The following TYW1 variants were observed in gnomAD, a reference collection of about 807,000 sequenced individuals.
TYW1 encodes S-adenosyl-L-methionine-dependent tRNA 4-demethylwyosine synthase TYW1.
In TYW1, 46 loss-of-function variants were observed where a neutral mutation model predicts 96.2. The observed-to-expected ratio is 0.48, with a 90% CI of 0.38 to 0.61. The LOEUF (loss-of-function observed/expected upper bound fraction) is 0.61. TYW1 is among the 20% of genes least tolerant of loss of function. TYW1 has a pLI of 0.00. For synonymous variants in TYW1, 274 were observed against 323.0 expected (o/e 0.85, Z 1.63); for missense variants, 684 against 909.6 (o/e 0.75, Z 3.19).
chr7:67,050,357 A>C (rs1425259423), intron 8 of TYW1, among the ~76,000 whole-genome samples: 1 of 152,178 alleles, frequency 6.6e-6, no homozygotes, highest in Non-Finnish European at 1.5e-5. Context: ...AGCTTATATG[A>C]TATGAGACTG....
intron 13 of TYW1, among the ~76,000 whole-genome samples, chr7:67,143,439 A>G (rs1798511946): frequency 6.6e-6 from 1 of 152,180 alleles, no homozygotes; most frequent in African/African-American, 2.4e-5. Flanking sequence ...TAAACTTAAA[A>G]TGTCACAGAC....
chr7:66,998,707 C>G, intron 2 of TYW1, 110 bp from the exon 3 acceptor site: 1 of 1,253,950 alleles, frequency 8.0e-7, no homozygotes, highest in Non-Finnish European at 1.1e-6. Context: ...TACAGTGTGT[C>G]AGATTAAGAG....
At chr7:67,113,228 C>T (rs112684633) in intron 12 of TYW1, among the ~76,000 whole-genome samples, 41,130 of 151,462 alleles carry the variant, frequency 0.27, 6,325 homozygotes, top group African/African-American at 0.42. Context: ...CATGGCGCTG[C>T]GTGGTGGGAC....
intron 15 of TYW1, among the ~76,000 whole-genome samples, chr7:67,212,123 C>G (rs1430187500): frequency 3.3e-5 from 5 of 152,176 alleles, no homozygotes; most frequent in African/African-American, 1.2e-4. Flanking sequence ...CTTTTCGTCC[C>G]TCCCGCCAAA....
intron 13 of TYW1, among the ~76,000 whole-genome samples, chr7:67,174,177 A>G (rs1376254154): frequency 5.3e-5 from 8 of 151,874 alleles, no homozygotes; most frequent in Non-Finnish European, 1.2e-4. Context: ...ATTTACCATT[A>G]TGCTGCTTAT....
At chr7:67,146,600 CA>C (rs771835198) in intron 13 of TYW1, among the ~76,000 whole-genome samples, 6 of 152,066 alleles carry the variant, frequency 3.9e-5, no homozygotes, top group Non-Finnish European at 7.4e-5. Flanking sequence ...GAAAGGGAAT[CA>C]AAACTACAAT....
chr7:67,115,638 A>T (rs2115965178), intron 12 of TYW1, among the ~76,000 whole-genome samples: 1 of 152,252 alleles, frequency 6.6e-6, no homozygotes, highest in South Asian at 2.1e-4. Context: ...TGCTGAAATC[A>T]ACAATATCTC....
intron 11 of TYW1, among the ~76,000 whole-genome samples, chr7:67,085,763 G>A (rs1796530771): frequency 6.6e-6 from 1 of 152,120 alleles, no homozygotes; most frequent in East Asian, 1.9e-4. Flanking sequence ...GACGTCAGGA[G>A]TTCGAGACCA....
At chr7:67,091,257 T>C (rs561154318) in intron 11 of TYW1, among the ~76,000 whole-genome samples, 33,707 of 146,736 alleles carry the variant, frequency 0.23, 4,324 homozygotes, top group African/African-American at 0.3. Flanking sequence ...AATTCATGTT[T>C]TTTTTAGGGA....
chr7:67,018,230 G>T lies in TYW1; in HGVS notation c.861+87G>T, dbSNP rs1239489806. 8 of 1,508,036 alleles carry T rather than the reference G, an allele frequency of 5.3e-6. No homozygotes were observed. The East Asian group carries it at 1.4e-4, about 26-fold the overall frequency. 93.4% of individuals were successfully genotyped at this position (1,508,036 alleles called of 1,614,324 possible). ...GACCTCTTTCTCAATAAACCATCTC[G>T]TTGGCTTCTGGTTAGAAGGAAGATC... On this transcript the variant is annotated intron_variant, in intron 6 of 15. Transcript: ENST00000359626.
chr7:67,153,683 G>A (rs1172824257), intron 13 of TYW1, among the ~76,000 whole-genome samples: 2 of 152,138 alleles, frequency 1.3e-5, no homozygotes, highest in Non-Finnish European at 2.9e-5. Flanking sequence ...TCACTCCCTA[G>A]AAGGAGTATC....
chr7:67,081,469 G>A (rs1228435891), intron 10 of TYW1, among the ~76,000 whole-genome samples: 1 of 141,924 alleles, frequency 7.0e-6, no homozygotes, highest in Non-Finnish European at 1.5e-5. Context: ...TAGCTTGCTT[G>A]ATCTGAATGT....
chr7:67,190,529 T>G lies in TYW1; in HGVS notation c.1810-4641T>G, dbSNP rs183961948. Among the ~76,000 whole-genome samples, 223 of 152,280 alleles carry G rather than the reference T, an allele frequency of 1.5e-3. 5 individuals carry two copies. The South Asian group carries it at 0.023, about 16-fold the overall frequency. Reference sequence around the variant, plus strand: ...GTCAGATAGCGTAGAGGTTCCTGAATGGAGGTTAAAGAAATGATGGGTCAC... The same window carrying G: ...GTCAGATAGCGTAGAGGTTCCTGAAGGGAGGTTAAAGAAATGATGGGTCAC... On this transcript the variant is annotated intron_variant, in intron 14 of 15. Transcript: ENST00000359626.
chr7:67,119,340 T>C (rs1312793027), intron 13 of TYW1, among the ~76,000 whole-genome samples: 1 of 152,098 alleles, frequency 6.6e-6, no homozygotes, highest in African/African-American at 2.4e-5. Context: ...TGCCTTTCTC[T>C]CCTGTGCCCA....
At chr7:67,001,332 A>G (rs1473071554) in intron 3 of TYW1, among the ~76,000 whole-genome samples, 9 of 152,182 alleles carry the variant, frequency 5.9e-5, no homozygotes, top group South Asian at 4.1e-4. Context: ...TGTCCATATC[A>G]TAGTTGATTT....
At position 67,001,583 on chromosome 7, in the gene TYW1, A is replaced by G. The variant is rs1355365390; in HGVS notation, c.273+2629A>G. Among the ~76,000 whole-genome samples the G allele has an allele frequency of 2.0e-5, 3 of 151,454 alleles. No homozygotes were observed. The East Asian group carries it at 5.9e-4, about 30-fold the overall frequency. ...ACTATAGGCGCCCACCACTATGCCC[A>G]GCTAGTTTTTGTATTTTTAGTAGAG... On this transcript the variant is annotated intron_variant, in intron 3 of 15. Coordinates refer to ENST00000359626, the MANE Select transcript of TYW1 (RefSeq NM_018264.4).
At chr7:67,076,304 T>G (rs755093825) in intron 10 of TYW1, among the ~76,000 whole-genome samples, 4 of 152,160 alleles carry the variant, frequency 2.6e-5, no homozygotes, top group Admixed American at 2.6e-4. Flanking sequence ...TGCTGGCGAG[T>G]GTACCCTTTC....
chr7:67,140,532 C>G (rs2116109869), intron 13 of TYW1, among the ~76,000 whole-genome samples: 1 of 151,866 alleles, frequency 6.6e-6, no homozygotes, highest in African/African-American at 2.4e-5. Flanking sequence ...GACCTATAAG[C>G]CAATAGAAAA....
At chr7:67,115,734 T>C (rs1797573366) in intron 12 of TYW1, among the ~76,000 whole-genome samples, 1 of 152,208 alleles carries the variant, frequency 6.6e-6, no homozygotes, top group Non-Finnish European at 1.5e-5. Flanking sequence ...CACTCAAAGA[T>C]TGATAAGGCT....
Sources: gnomAD v4.1 joint callset for allele counts (sites outside exome capture counted in the v4.1 genomes callset) on GRCh38, gnomAD v4.1.1 for gene constraint, MANE v1.5 for transcripts, NCBI Gene and HGNC (gene_info 2026-07-23, HGNC 2026-07-21) for gene names.